THSD7A: variants seen among roughly 807,000 people sequenced by gnomAD.
THSD7A encodes the protein thrombospondin type-1 domain-containing protein 7A.
THSD7A carries 96 observed loss-of-function variants against 231.3 expected under a neutral mutation model. The ratio of observed to expected loss-of-function variants is 0.41; its 90% confidence interval spans 0.35 to 0.49. THSD7A has a LOEUF of 0.49. Ranked by LOEUF, THSD7A falls within the 20% of genes least tolerant of loss-of-function variation. The probability of loss-of-function intolerance (pLI) is 0.05; values close to 1 mark genes in which losing one functional copy is unlikely to be tolerated. For missense variants in THSD7A, 2,290 were observed against 2,070.2 expected, an observed-to-expected ratio of 1.11 and a Z score of -2.06; for synonymous variants, 940 against 743.3, an observed-to-expected ratio of 1.26 and a Z score of -4.30.
intron 17 of THSD7A, among the ~76,000 whole-genome samples, chr7:11,417,086 C>T (rs1783986884): frequency 6.6e-6 from 1 of 152,194 alleles, no homozygotes; most frequent in African/African-American, 2.4e-5. Flanking sequence ...TAACCTGACA[C>T]CATTAAAGTA....
chr7:11,685,468 C>T (rs563062911), intron 1 of THSD7A, among the ~76,000 whole-genome samples: 1 of 151,888 alleles, frequency 6.6e-6, no homozygotes, highest in South Asian at 2.1e-4. Context: ...TAATTGCAAA[C>T]TATGCATCTG....
rs76556412 is a variant in THSD7A, at chr7:11,782,304, T to C, written c.190+49453A>G. Among the ~76,000 whole-genome samples, 59 of 152,262 alleles carry C rather than the reference T, an allele frequency of 3.9e-4. No homozygotes were observed. The East Asian group carries it at 0.011, about 28-fold the overall frequency. Reference sequence around the variant, plus strand: ...TAATAATCTGACAGATTGTCACAAATGATCAGCCTAATGTTAGGAATCAAT... The same window carrying C: ...TAATAATCTGACAGATTGTCACAAACGATCAGCCTAATGTTAGGAATCAAT... On this transcript the variant is annotated intron_variant, in intron 1 of 27. Transcript: ENST00000423059.
chr7:11,792,134 G>A (rs773104076), intron 1 of THSD7A, among the ~76,000 whole-genome samples: 3 of 151,666 alleles, frequency 2.0e-5, no homozygotes, highest in African/African-American at 7.3e-5. Flanking sequence ...CCTCTTACTC[G>A]TCATTATATT....
At position 11,593,520 on chromosome 7, in the gene THSD7A, T is replaced by C. The variant is rs1207573209; in HGVS notation, c.1023-18A>G. The C allele has an allele frequency of 6.2e-7, 1 of 1,612,246 alleles. No homozygotes were observed. The highest frequency in any genetic ancestry group is 1.3e-5 in the African/African-American group (1 of 75,002). ...GGCAAAAGCTGTAAAAGAGCATTGA[T>C]ATTCTCATTACAGACTCACAGGCAG... is the stretch of plus-strand genomic sequence containing the variant. On this transcript the variant is annotated intron_variant, in intron 2 of 27. Transcript: ENST00000423059.
At chr7:11,757,580 C>T (rs1026804311) in intron 1 of THSD7A, among the ~76,000 whole-genome samples, 1 of 151,976 alleles carries the variant, frequency 6.6e-6, no homozygotes, top group African/African-American at 2.4e-5. Flanking sequence ...TTAAGTAATA[C>T]TAACTCATAT....
In THSD7A at chr7:11,450,424, T is replaced by C. The variant is rs151270581; in HGVS notation, c.2606-3000A>G. Among the ~76,000 whole-genome samples the C allele has an allele frequency of 3.0e-3, 455 of 152,118 alleles. 3 individuals are homozygous for C. Among genetic ancestry groups the C allele is most frequent in the African/African-American group, 0.011 (443 of 41,544 alleles). Reference sequence around the variant, plus strand: ...GTGTACTTTTGGAATAAATTACTCATACAATGTTATCCAAACAAGCAGCAA... The same window carrying C: ...GTGTACTTTTGGAATAAATTACTCACACAATGTTATCCAAACAAGCAGCAA... On this transcript the variant is annotated intron_variant, in intron 11 of 27. Coordinates refer to ENST00000423059, the MANE Select transcript of THSD7A (RefSeq NM_015204.3).
intron 1 of THSD7A, among the ~76,000 whole-genome samples, chr7:11,810,637 A>T (rs1784505712): frequency 6.6e-6 from 1 of 152,170 alleles, no homozygotes; most frequent in Non-Finnish European, 1.5e-5. Flanking sequence ...GAAATAGCCA[A>T]CACTTTGTCT....
At chr7:11,555,360 G>C (rs1313915387) in intron 4 of THSD7A, among the ~76,000 whole-genome samples, 1 of 151,830 alleles carries the variant, frequency 6.6e-6, no homozygotes, top group Non-Finnish European at 1.5e-5. Flanking sequence ...GAAGTGTGTT[G>C]TTTTCCAAGT....
intron 1 of THSD7A, among the ~76,000 whole-genome samples, chr7:11,718,898 A>G (rs963395425): frequency 6.6e-6 from 1 of 151,686 alleles, no homozygotes; most frequent in Non-Finnish European, 1.5e-5. Flanking sequence ...TAAACATATT[A>G]TGGATACTGT....
chr7:11,553,793 T>C (rs185322252), intron 4 of THSD7A, among the ~76,000 whole-genome samples: 261 of 152,110 alleles, frequency 1.7e-3, no homozygotes, highest in African/African-American at 5.7e-3. Flanking sequence ...TTGTTTTGAA[T>C]GTTTATGGTT....
chr7:11,701,490 G>T (rs1429821528), intron 1 of THSD7A, among the ~76,000 whole-genome samples: 1 of 151,030 alleles, frequency 6.6e-6, no homozygotes, highest in African/African-American at 2.4e-5. Flanking sequence ...TTCAAAAATA[G>T]AAAATAAATA....
At position 11,814,922 on chromosome 7, in the gene THSD7A, A is replaced by G. The variant is rs1290447553; in HGVS notation, c.190+16835T>C. Reference sequence around the variant, plus strand: ...CCAGCTCATGAGCAGCAGATGCCTTAATCCTGATTACTCCTCTCTCCACAG... The same window carrying G: ...CCAGCTCATGAGCAGCAGATGCCTTGATCCTGATTACTCCTCTCTCCACAG... On this transcript the variant is annotated intron_variant, in intron 1 of 27. Coordinates refer to ENST00000423059, the MANE Select transcript of THSD7A (RefSeq NM_015204.3). The surrounding 1 kb of genome is among the most constrained non-coding windows in gnomAD (Gnocchi z 5.1). 6.6e-6 allele frequency among the ~76,000 whole-genome samples: 1 copy of G among 152,008 alleles called. No homozygotes were observed. Among genetic ancestry groups the G allele is most frequent in the East Asian group, 1.9e-4 (1 of 5,154 alleles).
intron 3 of THSD7A, among the ~76,000 whole-genome samples, chr7:11,592,703 C>T (rs1780211936): frequency 1.3e-5 from 2 of 152,096 alleles, no homozygotes; most frequent in African/African-American, 4.8e-5. Context: ...CTTAAAGTAT[C>T]ATTATTTTGA....
At chr7:11,409,209 A>G (rs916374591) in intron 19 of THSD7A, among the ~76,000 whole-genome samples, 2 of 152,210 alleles carry the variant, frequency 1.3e-5, no homozygotes, top group Non-Finnish European at 2.9e-5. Context: ...GAAGATAAAA[A>G]TAATACTACA....
chr7:11,629,641 G>A (rs1025704333), intron 2 of THSD7A, among the ~76,000 whole-genome samples: 1 of 152,058 alleles, frequency 6.6e-6, no homozygotes, highest in African/African-American at 2.4e-5. Context: ...GGGCCCTCAG[G>A]AACCATATAG....
rs66487858 is a variant in THSD7A, at chr7:11,777,414, TACACACACACACACACAC to T, written c.190+54325_190+54342del. ...AACTATGTTTCAGATGTAAATTAAG[TACACACACACACACACAC>T]ACACACACACACACACACACACACA... On this transcript the variant is annotated intron_variant, in intron 1 of 27. Transcript: ENST00000423059. 4.5e-4 allele frequency among the ~76,000 whole-genome samples: 67 copies of T among 147,272 alleles called. 1 individual carries two copies. The highest frequency in any genetic ancestry group is 3.8e-3 in the East Asian group (19 of 4,984).
chr7:11,395,900 A>G (rs1210373606), intron 23 of THSD7A, among the ~76,000 whole-genome samples: 2 of 151,942 alleles, frequency 1.3e-5, no homozygotes, highest in African/African-American at 4.8e-5. Flanking sequence ...TAAAACAAAC[A>G]CTCCTTAGAA....
chr7:11,543,754 T>A (rs1583941425), intron 4 of THSD7A, among the ~76,000 whole-genome samples: 1 of 152,246 alleles, frequency 6.6e-6, no homozygotes, highest in African/African-American at 2.4e-5. Flanking sequence ...TTTATAATTA[T>A]CTACATTTGT....
intron 1 of THSD7A, among the ~76,000 whole-genome samples, chr7:11,795,528 A>G (rs1583297453): frequency 6.6e-6 from 1 of 151,932 alleles, no homozygotes; most frequent in South Asian, 2.1e-4. Context: ...ATCTAGTACA[A>G]TTTGTAGGTC....
Sources: gnomAD v4.1 joint callset for allele counts (sites outside exome capture counted in the v4.1 genomes callset) on GRCh38, gnomAD v4.1.1 for gene constraint, Gnocchi (gnomAD v3.1) non-coding constraint, MANE v1.5 for transcripts, NCBI Gene and HGNC (gene_info 2026-07-23, HGNC 2026-07-21) for gene names.